CSNK2A2IP: variants seen among roughly 807,000 people sequenced by gnomAD.
CSNK2A2IP encodes the protein casein kinase 2 subunit alpha' interacting protein.
the CSNK2A2IP span, among the ~76,000 whole-genome samples, chr3:88,362,548 C>T: frequency 2.0e-5 from 3 of 152,200 alleles, no homozygotes; most frequent in African/African-American, 7.2e-5. Context: ...TGACTCCACA[C>T]TGATACATAA....
the CSNK2A2IP span, among the ~76,000 whole-genome samples, chr3:88,345,850 A>G: frequency 2.6e-5 from 4 of 151,978 alleles, no homozygotes; most frequent in East Asian, 7.7e-4. Flanking sequence ...CACTTTAAAT[A>G]AAAAACTAAA....
chr3:88,467,380 C>A, the CSNK2A2IP span: 552 of 398,598 alleles, frequency 1.4e-3, 2 homozygotes, highest in African/African-American at 0.01. Context: ...ACTTAGCTAC[C>A]ATCGGTTGCC....
At chr3:88,339,818 T>C in the CSNK2A2IP span, among the ~76,000 whole-genome samples, 1 of 152,022 alleles carries the variant, frequency 6.6e-6, no homozygotes, top group Non-Finnish European at 1.5e-5. Context: ...GAGCAGCAAT[T>C]ATGGGGGTGA....
At chr3:88,367,574 A>T in the CSNK2A2IP span, among the ~76,000 whole-genome samples, 17 of 152,140 alleles carry the variant, frequency 1.1e-4, no homozygotes, top group Admixed American at 1.1e-3. Flanking sequence ...CTTCCTTAAC[A>T]CTCAGAAATC....
At chr3:88,448,595 G>C in the CSNK2A2IP span, among the ~76,000 whole-genome samples, 1 of 152,144 alleles carries the variant, frequency 6.6e-6, no homozygotes, top group South Asian at 2.1e-4. Flanking sequence ...TGGAGCTAAG[G>C]AGCAACTCCT....
chr3:88,383,845 T>C, the CSNK2A2IP span, among the ~76,000 whole-genome samples: 19 of 151,948 alleles, frequency 1.3e-4, no homozygotes, highest in Non-Finnish European at 1.9e-4. Flanking sequence ...TTTGTATTTT[T>C]AGTAGAGACA....
At chr3:88,385,634 G>GA in the CSNK2A2IP span, among the ~76,000 whole-genome samples, 308 of 152,052 alleles carry the variant, frequency 2.0e-3, no homozygotes, top group African/African-American at 7.1e-3. Context: ...GGTTTATTGG[G>GA]AAAAAATAAA....
the CSNK2A2IP span, among the ~76,000 whole-genome samples, chr3:88,438,927 G>GT: frequency 0.37 from 55,744 of 151,856 alleles, 11,387 homozygotes; most frequent in Non-Finnish European, 0.47. Context: ...TCAAACTCAT[G>GT]TATCACCGCT....
the CSNK2A2IP span, among the ~76,000 whole-genome samples, chr3:88,433,010 T>C: frequency 6.6e-6 from 1 of 151,904 alleles, no homozygotes; most frequent in Non-Finnish European, 1.5e-5. Context: ...AGGCTGTATG[T>C]ATTGGCTAGA....
At chr3:88,360,098 A>G in the CSNK2A2IP span, among the ~76,000 whole-genome samples, 1 of 151,130 alleles carries the variant, frequency 6.6e-6, no homozygotes, top group Non-Finnish European at 1.5e-5. Flanking sequence ...CCCCTTTGCA[A>G]TGACACAATG....
At chr3:88,413,675 G>C in the CSNK2A2IP span, among the ~76,000 whole-genome samples, 1 of 151,996 alleles carries the variant, frequency 6.6e-6, no homozygotes, top group East Asian at 1.9e-4. Context: ...TTGCAGAGCT[G>C]TTAACAAATC....
chr3:88,354,166 T>C, the CSNK2A2IP span, among the ~76,000 whole-genome samples: 3 of 152,334 alleles, frequency 2.0e-5, no homozygotes, highest in South Asian at 4.1e-4. Context: ...CTACCCTTCT[T>C]GCATATCTTG....
At chr3:88,442,332 G>A in the CSNK2A2IP span, among the ~76,000 whole-genome samples, 2,077 of 152,028 alleles carry the variant, frequency 0.014, 40 homozygotes, top group African/African-American at 0.048. Flanking sequence ...AAACCACTGC[G>A]CCTAGCTTGA....
chr3:88,340,969 T>C, the CSNK2A2IP span, among the ~76,000 whole-genome samples: 1 of 152,086 alleles, frequency 6.6e-6, no homozygotes, highest in South Asian at 2.1e-4. Context: ...AATATTATTT[T>C]ATGTCAAATT....
At chr3:88,399,107 T>C in the CSNK2A2IP span, among the ~76,000 whole-genome samples, 688 of 152,248 alleles carry the variant, frequency 4.5e-3, 2 homozygotes, top group African/African-American at 0.016. Context: ...AACATTGATA[T>C]AGGTGGTGTT....
chr3:88,411,486 T>A, the CSNK2A2IP span, among the ~76,000 whole-genome samples: 7 of 151,876 alleles, frequency 4.6e-5, no homozygotes, highest in African/African-American at 1.7e-4. Context: ...ATTATAAGTT[T>A]ATTGCATTAA....
the CSNK2A2IP span, among the ~76,000 whole-genome samples, chr3:88,429,574 C>T: frequency 9.3e-4 from 60 of 64,852 alleles, no homozygotes; most frequent in Non-Finnish European, 2.1e-3. Flanking sequence ...AAATAGCTGG[C>T]TCTCTGAACG....
the CSNK2A2IP span, among the ~76,000 whole-genome samples, chr3:88,368,937 T>G: frequency 8.6e-5 from 13 of 151,966 alleles, no homozygotes; most frequent in Non-Finnish European, 1.5e-5. Flanking sequence ...GTTCCTCAAA[T>G]CTTCCAAATG....
chr3:88,404,443 T>C, the CSNK2A2IP span, among the ~76,000 whole-genome samples: 4 of 152,170 alleles, frequency 2.6e-5, no homozygotes, highest in Non-Finnish European at 4.4e-5. Context: ...ATCAGTGCTG[T>C]CCAAGAAAAC....
Sources: allele counts gnomAD v4.1 joint callset (sites outside exome capture counted in the v4.1 genomes callset), GRCh38; gene constraint gnomAD v4.1.1; transcripts MANE v1.5; gene names NCBI Gene and HGNC (gene_info 2026-07-23, HGNC 2026-07-21).